The following DTNB variants were observed in gnomAD, a reference collection of about 807,000 sequenced individuals.
The protein encoded by DTNB is DTN-B.
In DTNB, 63 loss-of-function variants were observed where a neutral mutation model predicts 90.7. That is an observed-to-expected ratio of 0.69 (90% confidence interval 0.57 to 0.86). The LOEUF is 0.86. DTNB is among the 40% of genes least tolerant of loss of function. The probability of loss-of-function intolerance (pLI) is 0.00; values close to 1 mark genes in which losing one functional copy is unlikely to be tolerated. For synonymous variants in DTNB, 277 were observed against 286.7 expected (o/e 0.97, Z 0.34); for missense variants, 744 against 807.1 (o/e 0.92, Z 0.95).
chr2:25,509,403 T>C (rs1048793171), intron 9 of DTNB, among the ~76,000 whole-genome samples: 1 of 152,234 alleles, frequency 6.6e-6, no homozygotes, highest in African/African-American at 2.4e-5. Flanking sequence ...ATGCCTAAGA[T>C]CATTTTCCTT....
chr2:25,617,491 T>C lies in DTNB; in HGVS notation c.363-10170A>G, dbSNP rs527667854. On this transcript the variant is annotated intron_variant, in intron 4 of 20. Transcript: ENST00000406818. The stretch of plus-strand genomic sequence containing the variant: ...TCACTTTTCATTTACCACTTTAGGT[T>C]CACAGTTAGTGCTATCAAAAGGTTT... Among the ~76,000 whole-genome samples the C allele has an allele frequency of 1.2e-3, 178 of 152,340 alleles. 1 individual carries two copies. The highest frequency in any genetic ancestry group is 2.3e-3 in the South Asian group (11 of 4,830).
chr2:25,434,954 A>T (rs1457525025), intron 12 of DTNB, among the ~76,000 whole-genome samples: 1 of 152,136 alleles, frequency 6.6e-6, no homozygotes, highest in Non-Finnish European at 1.5e-5. Context: ...CTCAATAGTA[A>T]ATTTTTTAAA....
chr2:25,476,008 G>A (rs1190579231), intron 10 of DTNB, among the ~76,000 whole-genome samples: 2 of 151,792 alleles, frequency 1.3e-5, no homozygotes, highest in African/African-American at 4.8e-5. Flanking sequence ...GGAGATGAAT[G>A]TTGCTTTCAC....
rs894027429 is a variant in DTNB at position 25,556,214 on chromosome 2, T to G, written c.876+20624A>C. Among the ~76,000 whole-genome samples the G allele has an allele frequency of 3.5e-5, 5 of 144,236 alleles. No homozygotes were observed. The Admixed American group carries it at 3.5e-4, about 10-fold the overall frequency. The allele number at this position is 144,236 out of a possible 152,430, so 94.6% of individuals were successfully genotyped here. A position where few individuals can be genotyped will look rare whatever the true frequency, so the allele number is the denominator to read the frequency against. On this transcript the variant is annotated intron_variant, in intron 8 of 20. Transcript: ENST00000406818. ...TTTGCCATCACAAATAACGCTGCCA[T>G]GATACTCTATGATACTCTCCTACAA...
chr2:25,552,659 A>C (rs2056509822), intron 8 of DTNB, among the ~76,000 whole-genome samples: 1 of 152,134 alleles, frequency 6.6e-6, no homozygotes, highest in South Asian at 2.1e-4. Context: ...GAGGCCTACT[A>C]AGGGTTTCCT....
At chr2:25,391,602 G>C (rs2041143275) in intron 16 of DTNB, among the ~76,000 whole-genome samples, 1 of 152,132 alleles carries the variant, frequency 6.6e-6, no homozygotes, top group Non-Finnish European at 1.5e-5. Context: ...AACAAGTGTT[G>C]GCAAGGATGT....
intron 20 of DTNB, among the ~76,000 whole-genome samples, chr2:25,378,069 G>C (rs1224892576): frequency 2.0e-5 from 3 of 152,180 alleles, no homozygotes; most frequent in African/African-American, 7.2e-5. Flanking sequence ...TGGGGCATTG[G>C]TTTCCTCCAT....
At chr2:25,623,511 G>T (rs930260339) in intron 4 of DTNB, among the ~76,000 whole-genome samples, 1 of 152,162 alleles carries the variant, frequency 6.6e-6, no homozygotes, top group South Asian at 2.1e-4. Context: ...GAGCCCAAAG[G>T]CTTCACCTAA....
At chr2:25,396,158 TGACTCAG>T (rs1272529315) in intron 16 of DTNB, among the ~76,000 whole-genome samples, 1 of 152,162 alleles carries the variant, frequency 6.6e-6, no homozygotes, top group Non-Finnish European at 1.5e-5. Context: ...CTAAGTGAAG[TGACTCAG>T]GAATGGAAAA....
At chr2:25,583,960 T>A (rs1337482983) in intron 6 of DTNB, among the ~76,000 whole-genome samples, 9 of 152,112 alleles carry the variant, frequency 5.9e-5, no homozygotes, top group Non-Finnish European at 5.9e-5. Flanking sequence ...TCCAAAAACA[T>A]GAGGAATGAA....
At chr2:25,458,225 A>T (rs1390855888) in intron 10 of DTNB, among the ~76,000 whole-genome samples, 1 of 152,156 alleles carries the variant, frequency 6.6e-6, no homozygotes, top group East Asian at 1.9e-4. Context: ...GATGACTCAG[A>T]TGATTCTGAT....
chr2:25,558,374 A>G, intron 8 of DTNB: 1 of 985,428 alleles, frequency 1.0e-6, no homozygotes, highest in Non-Finnish European at 1.2e-6. Context: ...ATGGAAGCAG[A>G]AGATGCACTC....
intron 12 of DTNB, among the ~76,000 whole-genome samples, chr2:25,436,558 A>C (rs1052385714): frequency 6.6e-6 from 1 of 152,162 alleles, no homozygotes; most frequent in African/African-American, 2.4e-5. Context: ...GCAGTTTCTA[A>C]ATAAACAAGG....
chr2:25,544,454 G>C (rs1410648993), intron 8 of DTNB, among the ~76,000 whole-genome samples: 3 of 152,162 alleles, frequency 2.0e-5, no homozygotes, highest in African/African-American at 7.2e-5. Flanking sequence ...AATGGAAAAA[G>C]CTCAGGATTG....
In DTNB at chr2:25,628,389, A is replaced by G; in HGVS notation, c.149-5T>C. The G allele has an allele frequency of 6.2e-7, 1 of 1,610,210 alleles. No individual in the cohort carries two copies. The highest frequency in any genetic ancestry group is 8.5e-7 in the Non-Finnish European group (1 of 1,178,474). ...TCCAGATATCAACAAGATGAACTAA[A>G]AGACAAAGAAAATAAACTGTCAACA... On this transcript the variant is annotated splice_region_variant and splice_polypyrimidine_tract_variant and intron_variant, in intron 3 of 20. Coordinates refer to ENST00000406818, the MANE Select transcript of DTNB (RefSeq NM_021907.5).
At chr2:25,490,649 C>A (rs553061140) in intron 9 of DTNB, among the ~76,000 whole-genome samples, 1 of 151,906 alleles carries the variant, frequency 6.6e-6, no homozygotes, top group Admixed American at 6.6e-5. Flanking sequence ...CATGGTATAT[C>A]CATAATTATA....
rs769946013 is a variant in DTNB, at chr2:25,496,758, G to A, written c.1002-13885C>T. Among the ~76,000 whole-genome samples, 138 of 151,650 alleles carry A rather than the reference G, an allele frequency of 9.1e-4. 2 individuals are homozygous for A. The highest frequency in any genetic ancestry group is 3.4e-3 in the Middle Eastern group (1 of 294). ...CTTGGGAGGCTAAGGCTGGAGAATC[G>A]CTTGAACCCGGGAGGCCGATGTTGC... is the stretch of plus-strand genomic sequence containing the variant. On this transcript the variant is annotated intron_variant, in intron 9 of 20. Transcript: ENST00000406818.
intron 1 of DTNB, among the ~76,000 whole-genome samples, chr2:25,653,478 GCTTTCTTTCTTTCTTTCTTT>G (rs1201675268): frequency 6.9e-5 from 8 of 116,596 alleles, no homozygotes; most frequent in African/African-American, 2.5e-4. Context: ...TTCAGAGCTT[GCTTTCTTTCTTTCTTTCTTT>G]CTTTCTTTCT....
chr2:25,632,192 CAAAAA>C (rs71399307), intron 3 of DTNB, among the ~76,000 whole-genome samples: 98 of 76,874 alleles, frequency 1.3e-3, no homozygotes, highest in African/African-American at 5.2e-3. Flanking sequence ...GACTCTGTCT[CAAAAA>C]AAAAAAAAAA....
Sources: allele counts gnomAD v4.1 joint callset (sites outside exome capture counted in the v4.1 genomes callset), GRCh38; gene constraint gnomAD v4.1.1; transcripts MANE v1.5; gene names NCBI Gene and HGNC (gene_info 2026-07-23, HGNC 2026-07-21).